The following STAT3 variants were observed in gnomAD, a reference collection of about 807,000 sequenced individuals.
The protein encoded by STAT3 is DNA-binding protein APRF.
Under a neutral mutation model 114.3 loss-of-function variants are expected in STAT3, and 7 were observed. That is an observed-to-expected ratio of 0.06 (90% confidence interval 0.03 to 0.11). STAT3 has a LOEUF of 0.11. Ranked by LOEUF, STAT3 falls within the 10% of genes least tolerant of loss-of-function variation. The probability of loss-of-function intolerance (pLI) is 1.00; values close to 1 mark genes in which losing one functional copy is unlikely to be tolerated. For synonymous variants in STAT3, 331 were observed against 354.5 expected, an observed-to-expected ratio of 0.93 and a Z score of 0.74; for missense variants, 364 against 960.9, an observed-to-expected ratio of 0.38 and a Z score of 8.21.
At chr17:42,317,111 C>G in intron 22 of STAT3, 71 bp downstream of exon 22, 2 of 1,608,228 alleles carry the variant, frequency 1.2e-6, no homozygotes, top group Admixed American at 3.4e-5. Context: ...AACTCTCACC[C>G]AGTGTCCCAT....
At chr17:42,357,815 T>C (rs1360493833) in intron 1 of STAT3, among the ~76,000 whole-genome samples, 3 of 152,216 alleles carry the variant, frequency 2.0e-5, no homozygotes, top group Admixed American at 6.5e-5. Context: ...AGTACACTTA[T>C]ATAGTAAGCA....
chr17:42,355,806 A>G (rs968818949), intron 1 of STAT3, among the ~76,000 whole-genome samples: 1 of 152,230 alleles, frequency 6.6e-6, no homozygotes, highest in African/African-American at 2.4e-5. Context: ...CACTTACAAA[A>G]GGGATTTACT....
chr17:42,384,138 T>A (rs567466442), intron 1 of STAT3, among the ~76,000 whole-genome samples: 2,968 of 149,338 alleles, frequency 0.02, 105 homozygotes, highest in African/African-American at 0.069. Flanking sequence ...ATTTATTTTT[T>A]TTTTTTTTGA....
At chr17:42,335,371 T>C (rs2144849653) in intron 8 of STAT3, among the ~76,000 whole-genome samples, 1 of 152,256 alleles carries the variant, frequency 6.6e-6, no homozygotes, top group East Asian at 1.9e-4. Flanking sequence ...TTTTAAATTT[T>C]TGTAGGGATG....
At chr17:42,316,664 G>A in intron 23 of STAT3, 125 bp downstream of exon 23, 1 of 1,546,234 alleles carries the variant, frequency 6.5e-7, no homozygotes, top group East Asian at 2.4e-5. Flanking sequence ...ATCTCTTTTG[G>A]AAAGCAAAGC....
intron 1 of STAT3, among the ~76,000 whole-genome samples, chr17:42,366,831 A>G (rs550855262): frequency 6.6e-6 from 1 of 151,988 alleles, no homozygotes; most frequent in South Asian, 2.1e-4. Context: ...TATTCTCCAC[A>G]TTACAGATCC....
chr17:42,358,720 T>A (rs2083350905), intron 1 of STAT3, among the ~76,000 whole-genome samples: 1 of 152,102 alleles, frequency 6.6e-6, no homozygotes, highest in Non-Finnish European at 1.5e-5. Flanking sequence ...TGACATTTAT[T>A]AGCTATTTGT....
chr17:42,370,691 G>A (rs544455640), intron 1 of STAT3, among the ~76,000 whole-genome samples: 2 of 151,174 alleles, frequency 1.3e-5, no homozygotes, highest in Non-Finnish European at 2.9e-5. Context: ...GCAGTGGCGC[G>A]ATCTCAGCTC....
chr17:42,362,387 A>G (rs1328605896), intron 1 of STAT3, among the ~76,000 whole-genome samples: 1 of 152,164 alleles, frequency 6.6e-6, no homozygotes, highest in Non-Finnish European at 1.5e-5. Flanking sequence ...CCATGGCAAG[A>G]GCTGTTAACT....
At chr17:42,351,174 AT>A (rs1449077362) in intron 1 of STAT3, among the ~76,000 whole-genome samples, 4 of 151,906 alleles carry the variant, frequency 2.6e-5, no homozygotes, top group Non-Finnish European at 5.9e-5. Context: ...GGTGAAATTA[AT>A]TTTAATGTAT....
rs762937058 is a variant in STAT3, at chr17:42,324,930, C to T, written c.1464+33G>A. The T allele has an allele frequency of 1.2e-6, 2 of 1,613,986 alleles. No individual in the cohort carries two copies. The highest frequency in any genetic ancestry group is 3.3e-5 in the Admixed American group (2 of 60,000). On this transcript the variant is annotated intron_variant, in intron 16 of 23. Coordinates refer to ENST00000264657, the MANE Select transcript of STAT3 (RefSeq NM_139276.3). This position sits in a 1 kb window ranked among gnomAD's most constrained non-coding sequence, Gnocchi z 4.5. ...AGGTACCCCTAAGTCGCAAGAGATC[C>T]CGGGGCACCAACTAAAAGGAGGGGG...
chr17:42,380,743 T>C (rs1439416502), intron 1 of STAT3, among the ~76,000 whole-genome samples: 1 of 152,124 alleles, frequency 6.6e-6, no homozygotes, highest in Non-Finnish European at 1.5e-5. Flanking sequence ...GACGAGATCC[T>C]GACTCAAAAA....
rs67178732 is a variant in STAT3, at chr17:42,356,539, A to ATT, written c.-23-8002_-23-8001dup. On this transcript the variant is annotated intron_variant, in intron 1 of 23. Transcript: ENST00000264657. Reference sequence around the variant, plus strand: ...TGTGTGTGTGTATATATATATATATATTTTTTTTTTTTTACATTGGAGTCA... The same window carrying ATT: ...TGTGTGTGTGTATATATATATATATATTTTTTTTTTTTTTTACATTGGAGTCA... Among the ~76,000 whole-genome samples the ATT allele has an allele frequency of 1.6e-3, 235 of 143,000 alleles. 2 individuals carry two copies. The highest frequency in any genetic ancestry group is 4.8e-3 in the African/African-American group (183 of 38,460). 93.8% of individuals were successfully genotyped at this position (143,000 alleles called of 152,430 possible).
chr17:42,346,528 T>C (rs1174628862), intron 3 of STAT3, 41 bp downstream of exon 3: 1 of 1,613,794 alleles, frequency 6.2e-7, no homozygotes, highest in South Asian at 1.1e-5. Context: ...CACCCGACTC[T>C]GCGGGTCCTG....
chr17:42,373,544 C>G (rs1207184735), intron 1 of STAT3, among the ~76,000 whole-genome samples: 1 of 151,776 alleles, frequency 6.6e-6, no homozygotes, highest in African/African-American at 2.4e-5. Flanking sequence ...GAGCGAGACT[C>G]TGCCTCAAAA....
In STAT3 at chr17:42,315,139, A is replaced by C; in HGVS notation, c.*606T>G. The C allele has an allele frequency of 4.8e-6, 1 of 207,244 alleles. No homozygotes were observed. Among genetic ancestry groups the C allele is most frequent in the Non-Finnish European group, 9.9e-6 (1 of 101,392 alleles). The allele number at this position is 207,244 out of a possible 1,614,324, so 12.8% of individuals were successfully genotyped here. ...CCAAAGTGCTGGGATTACAGGCGTG[A>C]GCCACCATGCCCGGCTGCTTAAGTT... On this transcript the variant is annotated 3_prime_UTR_variant, in exon 24 of 24. Coordinates refer to ENST00000264657, the MANE Select transcript of STAT3 (RefSeq NM_139276.3).
intron 14 of STAT3, among the ~76,000 whole-genome samples, chr17:42,327,590 T>C (rs932421859): frequency 2.6e-5 from 4 of 152,226 alleles, no homozygotes; most frequent in African/African-American, 7.2e-5. Flanking sequence ...TCCTGGGACA[T>C]ATATGCAAAG....
intron 1 of STAT3, among the ~76,000 whole-genome samples, chr17:42,373,839 C>T (rs888082939): frequency 1.3e-4 from 19 of 148,582 alleles, no homozygotes; most frequent in African/African-American, 4.7e-4. Context: ...GAGCCGAGAT[C>T]GCGCCACTAC....
chr17:42,318,850 T>C (rs1336976682), intron 21 of STAT3, among the ~76,000 whole-genome samples: 1 of 152,204 alleles, frequency 6.6e-6, no homozygotes, highest in African/African-American at 2.4e-5. Context: ...AAGGAGCTAC[T>C]GAGGCAAGAC....
Sources: allele counts gnomAD v4.1 joint callset (sites outside exome capture counted in the v4.1 genomes callset), GRCh38; gene constraint gnomAD v4.1.1; non-coding constraint Gnocchi (gnomAD v3.1); transcripts MANE v1.5; gene names NCBI Gene and HGNC (gene_info 2026-07-23, HGNC 2026-07-21).